Variants in RBMS2 observed in about 807,000 individuals in gnomAD.
The protein encoded by RBMS2 is RNA-binding motif, single-stranded-interacting protein 2.
Under a neutral mutation model 58.4 loss-of-function variants are expected in RBMS2, and 38 were observed. The observed-to-expected ratio is 0.65, with a 90% CI of 0.50 to 0.85. The LOEUF is 0.85. Among genes scored for constraint, RBMS2 ranks in the 40% least tolerant of loss-of-function variants. The pLI, the probability that RBMS2 is intolerant of heterozygous loss-of-function variation, is 0.00. For synonymous variants in RBMS2, 151 were observed against 180.7 expected (o/e 0.84, Z 1.32); for missense variants, 367 against 503.7 (o/e 0.73, Z 2.60).
At chr12:56,569,842 G>C in intron 3 of RBMS2, 57 bp from the exon 4 acceptor site, 2 of 1,417,560 alleles carry the variant, frequency 1.4e-6, no homozygotes, top group Non-Finnish European at 2.0e-6. Context: ...GAAAAGCCTG[G>C]ACCTCTCTGT....
chr12:56,573,155 T>G (rs1374112966), intron 5 of RBMS2: 22 of 984,722 alleles, frequency 2.2e-5, no homozygotes, highest in Non-Finnish European at 2.7e-5. Context: ...CCCCTTACTC[T>G]GAGTGTTTCA....
rs1180939335 is a variant in RBMS2, at chr12:56,592,758, GC to G, written c.*3627del. The G allele has an allele frequency of 6.6e-6, 1 of 152,042 alleles. No individual in the cohort carries two copies. The highest frequency in any genetic ancestry group is 1.5e-5 in the Non-Finnish European group (1 of 68,050). 9.4% of individuals were successfully genotyped at this position (152,042 alleles called of 1,614,324 possible). A position where few individuals can be genotyped will look rare whatever the true frequency, so the allele number is the denominator to read the frequency against. ...ACTCCTGACCTCAGGTGATCTGCCCGCCTTAGCCTCCCAAAGTGCTGGGATT... is the reference window on the plus strand; with the variant it reads ...ACTCCTGACCTCAGGTGATCTGCCCGCTTAGCCTCCCAAAGTGCTGGGATT... On this transcript the variant is annotated 3_prime_UTR_variant, in exon 14 of 14. Coordinates refer to ENST00000262031, the MANE Select transcript of RBMS2 (RefSeq NM_002898.4).
At chr12:56,556,062 G>A (rs939511452) in intron 1 of RBMS2, among the ~76,000 whole-genome samples, 20 of 151,418 alleles carry the variant, frequency 1.3e-4, no homozygotes, top group African/African-American at 4.6e-4. Context: ...AAAAAAAAAG[G>A]AGAGAGGGAG....
chr12:56,589,151 C>T lies in RBMS2; in HGVS notation c.*18C>T. 6.5e-7 allele frequency: 1 copy of T among 1,550,042 alleles called. No homozygotes were observed. Among genetic ancestry groups the T allele is most frequent in the Non-Finnish European group, 8.7e-7 (1 of 1,145,986 alleles). On this transcript the variant is annotated 3_prime_UTR_variant, in exon 14 of 14. Coordinates refer to ENST00000262031, the MANE Select transcript of RBMS2 (RefSeq NM_002898.4). ...TGTGCCTTCTTTAGGATTCCCCTCC[C>T]CATCTTTACTGAATAGAAATGAATT...
intron 3 of RBMS2, 132 bp downstream of exon 3, chr12:56,569,165 G>A (rs1881874295): frequency 1.2e-6 from 1 of 804,524 alleles, no homozygotes; most frequent in African/African-American, 1.7e-5. Flanking sequence ...AGGCTTAAAA[G>A]ATTAGGAGAT....
At chr12:56,535,050 C>T (rs1874512097) in intron 1 of RBMS2, among the ~76,000 whole-genome samples, 1 of 152,124 alleles carries the variant, frequency 6.6e-6, no homozygotes, top group Admixed American at 6.6e-5. Flanking sequence ...TGGAATGCCA[C>T]ACTCTCCTGG....
chr12:56,531,497 G>A (rs1281943942), intron 1 of RBMS2, among the ~76,000 whole-genome samples: 2 of 152,106 alleles, frequency 1.3e-5, no homozygotes, highest in African/African-American at 4.8e-5. Flanking sequence ...AGCGCCAGGT[G>A]TCTTAGGCTT....
In RBMS2 at chr12:56,543,326, T is replaced by C. The variant is rs541784400; in HGVS notation, c.67-19091T>C. 8.6e-5 allele frequency among the ~76,000 whole-genome samples: 13 copies of C among 150,914 alleles called. 1 individual carries two copies. In the South Asian group the frequency reaches 2.7e-3, roughly 32 times the overall value. On this transcript the variant is annotated intron_variant, in intron 1 of 13. Transcript: ENST00000262031. ...GGTGAAACCTCATCGCTACTAAAAATACGAAAAAATTAGCTGGGCGTGGTG... is the reference window on the plus strand; with the variant it reads ...GGTGAAACCTCATCGCTACTAAAAACACGAAAAAATTAGCTGGGCGTGGTG...
intron 5 of RBMS2, among the ~76,000 whole-genome samples, chr12:56,577,642 T>A (rs1326174309): frequency 6.6e-6 from 1 of 151,584 alleles, no homozygotes; most frequent in Non-Finnish European, 1.5e-5. Flanking sequence ...GCCCAGCTAA[T>A]TTTTTGGTGG....
Position 56,537,992 on chromosome 12 carries a change from T to G in RBMS2, c.66+15903T>G, listed in dbSNP as rs1024598335. On this transcript the variant is annotated intron_variant, in intron 1 of 13. Coordinates refer to ENST00000262031, the MANE Select transcript of RBMS2 (RefSeq NM_002898.4). ...GTCATTTGTAAATCTTCTTTGGAGATAAGTCTATTCAAGTCCTTTGCTTAT... is the reference window on the plus strand; with the variant it reads ...GTCATTTGTAAATCTTCTTTGGAGAGAAGTCTATTCAAGTCCTTTGCTTAT... 2.0e-5 allele frequency among the ~76,000 whole-genome samples: 3 copies of G among 151,832 alleles called. No homozygotes were observed. The South Asian group carries it at 6.2e-4, about 32-fold the overall frequency.
chr12:56,554,379 A>C (rs368156044), intron 1 of RBMS2, among the ~76,000 whole-genome samples: 33 of 152,298 alleles, frequency 2.2e-4, no homozygotes, highest in African/African-American at 7.5e-4. Flanking sequence ...AATCTGGTAA[A>C]TATATACCAT....
intron 1 of RBMS2, among the ~76,000 whole-genome samples, chr12:56,547,655 T>TC (rs1036993401): frequency 7.3e-5 from 11 of 150,248 alleles, no homozygotes; most frequent in Non-Finnish European, 8.9e-5. Context: ...TTCTTTTCTT[T>TC]TTTTTTTTTT....
chr12:56,524,814 G>T lies in RBMS2; in HGVS notation c.66+2725G>T, dbSNP rs144010413. Reference sequence around the variant, plus strand: ...GGCTCACTGCAACCTCCGCCTCCTGGGTTCAAGTGATTCTCCTGCCTCAGC... The same window carrying T: ...GGCTCACTGCAACCTCCGCCTCCTGTGTTCAAGTGATTCTCCTGCCTCAGC... On this transcript the variant is annotated intron_variant, in intron 1 of 13. Transcript: ENST00000262031. Among the ~76,000 whole-genome samples, 1,516 of 152,092 alleles carry T rather than the reference G, an allele frequency of 1.0e-2. 21 individuals carry two copies. Among genetic ancestry groups the T allele is most frequent in the African/African-American group, 0.035 (1,453 of 41,482 alleles).
At chr12:56,562,628 T>C (rs1174081282) in intron 2 of RBMS2, 45 bp downstream of exon 2, 2 of 1,578,784 alleles carry the variant, frequency 1.3e-6, no homozygotes, top group East Asian at 4.5e-5. Flanking sequence ...ACAGTATAGA[T>C]TTGGTTTTGA....
chr12:56,521,502 G>GTTTTTTGTTTTTTTTTTTTTTTTTTTT (rs1555185431), upstream of RBMS2, among the ~76,000 whole-genome samples: 1 of 73,168 alleles, frequency 1.4e-5, no homozygotes, highest in African/African-American at 5.5e-5. Flanking sequence ...CTCTAACTCT[G>GTTTTTTGTTTTTTTTTTTTTTTTTTTT]TTTTTTTTTT....
rs149992891 is a variant in RBMS2 at position 56,574,198 on chromosome 12, G to A, written c.542+2343G>A. ...CAGCAGTAACTTCATGGTCCATACA[G>A]CTTAAGAAGTGTTTATGCTTTAACA... On this transcript the variant is annotated intron_variant, in intron 5 of 13. Transcript: ENST00000262031. Among the ~76,000 whole-genome samples, 1,092 of 152,232 alleles carry A rather than the reference G, an allele frequency of 7.2e-3. 11 individuals are homozygous for A. The highest frequency in any genetic ancestry group is 0.025 in the African/African-American group (1,050 of 41,550).
intron 4 of RBMS2, 111 bp downstream of exon 4, chr12:56,570,101 G>C (rs1241762163): frequency 6.4e-6 from 6 of 940,040 alleles, no homozygotes; most frequent in Non-Finnish European, 9.9e-6. Flanking sequence ...GTGGGCAAGG[G>C]CTATCCGTGG....
intron 5 of RBMS2, among the ~76,000 whole-genome samples, chr12:56,572,477 C>T (rs1002635401): frequency 1.3e-5 from 2 of 151,938 alleles, no homozygotes; most frequent in African/African-American, 2.4e-5. Flanking sequence ...AGGCATGAGC[C>T]ACCACACTCG....
At chr12:56,574,234 T>C (rs1304683101) in intron 5 of RBMS2, among the ~76,000 whole-genome samples, 1 of 152,212 alleles carries the variant, frequency 6.6e-6, no homozygotes, top group Non-Finnish European at 1.5e-5. Flanking sequence ...ACTTTGTAGC[T>C]GTTTGAAAAA....
Sources: gnomAD v4.1 joint callset for allele counts (sites outside exome capture counted in the v4.1 genomes callset) on GRCh38, gnomAD v4.1.1 for gene constraint, MANE v1.5 for transcripts, NCBI Gene and HGNC (gene_info 2026-07-23, HGNC 2026-07-21) for gene names.